The following ROCK1 variants were observed in gnomAD, a reference collection of about 807,000 sequenced individuals.
ROCK1 encodes the protein rho-associated protein kinase 1.
In ROCK1, 36 loss-of-function variants were observed where a neutral mutation model predicts 196.8. The ratio of observed to expected loss-of-function variants is 0.18; its 90% CI spans 0.14 to 0.24. The LOEUF is 0.24. ROCK1 is among the 10% of genes least tolerant of loss of function. The probability of loss-of-function intolerance (pLI) is 1.00; values close to 1 mark genes in which losing one functional copy is unlikely to be tolerated. For synonymous variants in ROCK1, 443 were observed against 515.9 expected (o/e 0.86, Z 1.91); for missense variants, 920 against 1,562.0 (o/e 0.59, Z 6.93).
intron 8 of ROCK1, 133 bp from the exon 9 acceptor site, chr18:21,039,696 C>A: frequency 1.6e-6 from 1 of 620,748 alleles, no homozygotes. Flanking sequence ...ATTATATTGT[C>A]AGCATAGTAT....
At chr18:20,959,028 TATATTTTATATA>T (rs2035283555) in intron 29 of ROCK1, among the ~76,000 whole-genome samples, 3 of 62,668 alleles carry the variant, frequency 4.8e-5, no homozygotes, top group African/African-American at 2.8e-4. Flanking sequence ...ATATAATATA[TATATTTTATATA>T]ATATATAATA....
chr18:21,015,283 C>T, intron 13 of ROCK1, 148 bp downstream of exon 13: 1 of 658,356 alleles, frequency 1.5e-6, no homozygotes, highest in Non-Finnish European at 2.8e-6. Context: ...CTTGAAACTG[C>T]AGTTCCAAGG....
At chr18:21,079,878 C>T (rs1325141263) in intron 1 of ROCK1, among the ~76,000 whole-genome samples, 2 of 152,126 alleles carry the variant, frequency 1.3e-5, no homozygotes, top group Non-Finnish European at 2.9e-5. Flanking sequence ...CTCCCCAGGC[C>T]AGGTTTACGA....
At chr18:20,994,769 ACT>A (rs1242473006) in intron 16 of ROCK1, among the ~76,000 whole-genome samples, 2 of 152,146 alleles carry the variant, frequency 1.3e-5, no homozygotes, top group African/African-American at 4.8e-5. Flanking sequence ...TTCCTCATTT[ACT>A]CTGTCTGAAA....
chr18:20,953,026 G>A (rs1390141478), intron 32 of ROCK1, among the ~76,000 whole-genome samples: 1 of 152,090 alleles, frequency 6.6e-6, no homozygotes, highest in African/African-American at 2.4e-5. Context: ...TAATGTAGAT[G>A]ATGGGTTGAT....
At chr18:21,100,235 T>TA (rs1243650918) in intron 1 of ROCK1, among the ~76,000 whole-genome samples, 1 of 149,024 alleles carries the variant, frequency 6.7e-6, no homozygotes, top group Non-Finnish European at 1.5e-5. Context: ...TTCTCAAAAA[T>TA]AAAATATCAT....
At chr18:21,072,612 G>A (rs1417482409) in intron 1 of ROCK1, among the ~76,000 whole-genome samples, 1 of 152,110 alleles carries the variant, frequency 6.6e-6, no homozygotes, top group Non-Finnish European at 1.5e-5. Flanking sequence ...CCAGGACTCG[G>A]AATGTTAACA....
At chr18:21,089,627 T>G (rs909124244) in intron 1 of ROCK1, among the ~76,000 whole-genome samples, 1 of 152,166 alleles carries the variant, frequency 6.6e-6, no homozygotes, top group Non-Finnish European at 1.5e-5. Flanking sequence ...ATTTAATACA[T>G]CTAATCTGCT....
At chr18:21,090,619 A>G (rs2036561542) in intron 1 of ROCK1, among the ~76,000 whole-genome samples, 1 of 152,270 alleles carries the variant, frequency 6.6e-6, no homozygotes, top group African/African-American at 2.4e-5. Flanking sequence ...GGATAGGTAC[A>G]GTTTACATTT....
In ROCK1 at chr18:21,023,604, C is replaced by T. The variant is rs539020131; in HGVS notation, c.1272+16G>A. ...AATTTTAAAAACAATTTTCTTAATA[C>T]TAAGAAAATACCTACCAAGCTTTTA... On this transcript the variant is annotated intron_variant, in intron 11 of 32. Transcript: ENST00000399799. The T allele has an allele frequency of 2.1e-6, 3 of 1,404,536 alleles. No individual in the cohort carries two copies. The South Asian group carries it at 4.0e-5, about 19-fold the overall frequency. The allele number at this position is 1,404,536 out of a possible 1,614,324, so 87.0% of individuals were successfully genotyped here.
chr18:20,952,227 C>G (rs1331614829), intron 32 of ROCK1, among the ~76,000 whole-genome samples: 1 of 151,814 alleles, frequency 6.6e-6, no homozygotes, highest in Non-Finnish European at 1.5e-5. Flanking sequence ...ACTAAAAATA[C>G]AAAAATTAGC....
chr18:20,984,268 T>C (rs1332186081), intron 20 of ROCK1, 83 bp downstream of exon 20: 3 of 1,014,540 alleles, frequency 3.0e-6, no homozygotes, highest in Non-Finnish European at 4.4e-6. Flanking sequence ...GTACATAATC[T>C]GTACATATGT....
intron 22 of ROCK1, among the ~76,000 whole-genome samples, chr18:20,977,824 T>C (rs1244858757): frequency 6.6e-6 from 1 of 152,204 alleles, no homozygotes; most frequent in Non-Finnish European, 1.5e-5. Context: ...GGATTGCATA[T>C]TGCACTGTGA....
At chr18:20,967,705 G>T in intron 26 of ROCK1, 47 bp downstream of exon 26, 1 of 1,344,350 alleles carries the variant, frequency 7.4e-7, no homozygotes, top group Non-Finnish European at 1.0e-6. Flanking sequence ...AATAATTTAA[G>T]AAAATAATCC....
At chr18:21,080,485 A>G (rs1598555845) in intron 1 of ROCK1, among the ~76,000 whole-genome samples, 1 of 152,148 alleles carries the variant, frequency 6.6e-6, no homozygotes, top group African/African-American at 2.4e-5. Flanking sequence ...TTCTGGAGCT[A>G]AAAACTAACA....
Position 20,994,823 on chromosome 18 carries a change from C to T in ROCK1, c.1886-1886G>A, listed in dbSNP as rs529290966. On this transcript the variant is annotated intron_variant, in intron 16 of 32. Transcript: ENST00000399799. ...AACTAGAACTTACCTGTGCAATACACGAAAGCAAAGAAGCTTTATATACAG... is the reference window on the plus strand; with the variant it reads ...AACTAGAACTTACCTGTGCAATACATGAAAGCAAAGAAGCTTTATATACAG... Among the ~76,000 whole-genome samples, 52 of 152,042 alleles carry T rather than the reference C, an allele frequency of 3.4e-4. 1 individual carries two copies. The South Asian group carries it at 8.3e-3, about 24-fold the overall frequency.
At chr18:20,972,966 G>A (rs1167949433) in intron 22 of ROCK1, among the ~76,000 whole-genome samples, 2 of 152,124 alleles carry the variant, frequency 1.3e-5, no homozygotes, top group African/African-American at 2.4e-5. Flanking sequence ...TGCAAACTCC[G>A]CCTCCTGGGT....
chr18:20,970,877 A>C (rs1390231429), intron 22 of ROCK1, among the ~76,000 whole-genome samples: 2 of 152,182 alleles, frequency 1.3e-5, no homozygotes, highest in Non-Finnish European at 2.9e-5. Flanking sequence ...CCAGAACTTT[A>C]TCTCTGTTTT....
rs780540522 is a variant in ROCK1, at chr18:21,023,700, AAAAAG to A, written c.1212-25_1212-21del. 6.1e-5 allele frequency: 90 copies of A among 1,478,828 alleles called. No individual in the cohort carries two copies. The highest frequency in any genetic ancestry group is 3.3e-4 in the East Asian group (14 of 42,856). The allele number at this position is 1,478,828 out of a possible 1,614,324, so 91.6% of individuals were successfully genotyped here. Reference sequence around the variant, plus strand: ...AAGTATCTGAGGGAAAGAAAAGTTTAAAAAGAAAAGAAAACAAAAAACTCTGTAAT... The same window carrying A: ...AAGTATCTGAGGGAAAGAAAAGTTTAAAAAGAAAACAAAAAACTCTGTAAT... On this transcript the variant is annotated intron_variant, in intron 10 of 32. Transcript: ENST00000399799.
Sources: allele counts gnomAD v4.1 joint callset (sites outside exome capture counted in the v4.1 genomes callset), GRCh38; gene constraint gnomAD v4.1.1; transcripts MANE v1.5; gene names NCBI Gene and HGNC (gene_info 2026-07-23, HGNC 2026-07-21).